TLCD3B: variants seen among roughly 807,000 people sequenced by gnomAD.
TLCD3B encodes the protein TLC domain containing 3B.
In TLCD3B, 9 loss-of-function variants were observed where a neutral mutation model predicts 23.0. The ratio of observed to expected loss-of-function variants is 0.39; its 90% CI spans 0.24 to 0.68. The LOEUF is 0.68. TLCD3B is among the 30% of genes least tolerant of loss of function. The pLI is 0.44. For missense variants in TLCD3B, 307 were observed against 371.8 expected (o/e 0.83, Z 1.43); for synonymous variants, 161 against 161.0 (o/e 1.00, Z 0.00).
chr16:30,028,690 G>A (rs1205622471), intron 2 of TLCD3B, among the ~76,000 whole-genome samples: 2 of 152,186 alleles, frequency 1.3e-5, no homozygotes, highest in Admixed American at 6.5e-5. Flanking sequence ...CATCAGGGGC[G>A]TCCAAATGTT....
At chr16:30,039,133 T>C (rs1333190559) in intron 3 of TLCD3B, among the ~76,000 whole-genome samples, 2 of 146,306 alleles carry the variant, frequency 1.4e-5, no homozygotes, top group East Asian at 4.0e-4. Context: ...TTTTTTTTTT[T>C]AGATGGAGGT....
chr16:30,036,608 G>C (rs2071478922), intron 3 of TLCD3B: 4 of 340,804 alleles, frequency 1.2e-5, no homozygotes, highest in South Asian at 7.3e-5. Flanking sequence ...GTGGCTAGAA[G>C]GTGCCATCCT....
At chr16:30,034,619 C>T (rs932066897), upstream of TLCD3B, among the ~76,000 whole-genome samples, 3 of 152,072 alleles carry the variant, frequency 2.0e-5, no homozygotes, top group East Asian at 1.9e-4. Flanking sequence ...TATTGGCCCA[C>T]GTTCTAACCA....
At chr16:30,036,293 CA>C (rs1391910022) in intron 3 of TLCD3B, 1 of 1,289,006 alleles carries the variant, frequency 7.8e-7, no homozygotes, top group Admixed American at 2.3e-5. Flanking sequence ...AAAATAAAGC[CA>C]AAGCGATTGT....
At chr16:30,030,210 G>A (rs1029723033) in intron 1 of TLCD3B, 193 bp downstream of exon 1, 1 of 1,249,140 alleles carries the variant, frequency 8.0e-7, no homozygotes, top group African/African-American at 1.5e-5. Flanking sequence ...CAGATGGCCG[G>A]GCTGGATGAG....
intron 3 of TLCD3B, among the ~76,000 whole-genome samples, chr16:30,040,551 G>A (rs953489336): frequency 3.9e-5 from 6 of 152,080 alleles, no homozygotes; most frequent in East Asian, 1.9e-4. Flanking sequence ...AAGGCATGAG[G>A]GGAGGAGAGA....
upstream of TLCD3B, chr16:30,035,611 A>G (rs2071453446): frequency 2.4e-6 from 2 of 844,732 alleles, no homozygotes; most frequent in South Asian, 3.5e-5. Flanking sequence ...GGCCATTGAA[A>G]GCCACCAGGC....
chr16:30,040,357 C>A (rs2071562642), intron 3 of TLCD3B, among the ~76,000 whole-genome samples: 1 of 151,870 alleles, frequency 6.6e-6, no homozygotes, highest in African/African-American at 2.4e-5. Context: ...GGCTGAAATA[C>A]TTTATATACA....
rs117477684 is a variant in TLCD3B, at chr16:30,030,045, C to T, written c.125+358G>A. ...GTACCATCCACTCCTCCATCCCTGG[C>T]CCCCAAACACTCACCCTGAATGACA... On this transcript the variant is annotated intron_variant, in intron 1 of 4. Coordinates refer to ENST00000380495, the MANE Select transcript of TLCD3B (RefSeq NM_031478.6). 5.1e-5 allele frequency: 69 copies of T among 1,342,196 alleles called. No homozygotes were observed. The East Asian group carries it at 3.1e-3, about 61-fold the overall frequency. 83.1% of individuals were successfully genotyped at this position (1,342,196 alleles called of 1,614,324 possible). A position where few individuals can be genotyped will look rare whatever the true frequency, so the allele number is the denominator to read the frequency against.
In TLCD3B at chr16:30,051,354, A is replaced by G. The variant is rs2071747025; in HGVS notation, c.-294+1420T>C. On this transcript the variant is annotated intron_variant, in intron 1 of 6. Coordinates refer to the TLCD3B transcript ENST00000561666. The stretch of plus-strand genomic sequence containing the variant: ...TTCGAGACCAGCCTGACCAACATGG[A>G]CAAACCCCGTCTCTACTAAAAATAC... 2.6e-5 allele frequency among the ~76,000 whole-genome samples: 4 copies of G among 151,806 alleles called. No homozygotes were observed. The South Asian group carries it at 8.3e-4, about 32-fold the overall frequency.
intron 1 of TLCD3B, among the ~76,000 whole-genome samples, chr16:30,050,223 C>T (rs2071730073): frequency 6.6e-6 from 1 of 152,124 alleles, no homozygotes; most frequent in Non-Finnish European, 1.5e-5. Context: ...TCAACTTGGT[C>T]CTCAGGATTC....
chr16:30,043,100 A>G (rs774025943), intron 2 of TLCD3B, among the ~76,000 whole-genome samples: 4 of 152,170 alleles, frequency 2.6e-5, no homozygotes, highest in Non-Finnish European at 4.4e-5. Flanking sequence ...CTCCGTCTCC[A>G]AAAGAAAAAA....
At chr16:30,052,468 G>A (rs1445368873) in intron 1 of TLCD3B, among the ~76,000 whole-genome samples, 2 of 151,800 alleles carry the variant, frequency 1.3e-5, no homozygotes, top group East Asian at 1.9e-4. Context: ...AAGCTGAGGC[G>A]GGCGCATCAC....
chr16:30,049,457 C>T (rs1252997966), intron 1 of TLCD3B, among the ~76,000 whole-genome samples: 1 of 152,158 alleles, frequency 6.6e-6, no homozygotes, highest in African/African-American at 2.4e-5. Context: ...ACCCACCCCA[C>T]GATTATTGGA....
intron 2 of TLCD3B, among the ~76,000 whole-genome samples, chr16:30,045,330 G>A (rs1394354010): frequency 3.5e-5 from 5 of 143,382 alleles, no homozygotes; most frequent in Non-Finnish European, 6.1e-5. Flanking sequence ...TGTGTGTGGT[G>A]TTTGTGTGTG....
At chr16:30,035,277 C>T, upstream of TLCD3B, 3 of 1,270,762 alleles carry the variant, frequency 2.4e-6, no homozygotes, top group Non-Finnish European at 3.1e-6. Flanking sequence ...TCACCACAAA[C>T]TCATTCTGAA....
chr16:30,029,402 C>T lies in TLCD3B; in HGVS notation c.209+30G>A. On this transcript the variant is annotated intron_variant, in intron 2 of 4. Coordinates refer to ENST00000380495, the MANE Select transcript of TLCD3B (RefSeq NM_031478.6). The surrounding 1 kb of genome is among the most constrained non-coding windows in gnomAD (Gnocchi z 4.6). ...ACCCGTACACGCCAACCACTGGCACCTGGGCAGGGGGGTGTCTCGCAGCAC... is the reference window on the plus strand; with the variant it reads ...ACCCGTACACGCCAACCACTGGCACTTGGGCAGGGGGGTGTCTCGCAGCAC... 6.2e-7 allele frequency: 1 copy of T among 1,603,234 alleles called. No individual in the cohort carries two copies.
Position 30,025,076 on chromosome 16 carries a change from G to T in TLCD3B, c.*107C>A. The T allele has an allele frequency of 1.4e-6, 1 of 735,376 alleles. No individual in the cohort carries two copies. Among genetic ancestry groups the T allele is most frequent in the Non-Finnish European group, 2.1e-6 (1 of 469,356 alleles). The allele number at this position is 735,376 out of a possible 1,614,324, so 45.6% of individuals were successfully genotyped here. ...CCTTTCGGGGTCATCGTCAGTCCTG[G>T]GGTTGTCCGGGCAAGAGGACCCTGG... On this transcript the variant is annotated 3_prime_UTR_variant, in exon 5 of 5. Transcript: ENST00000380495. This position sits in a 1 kb window ranked among gnomAD's most constrained non-coding sequence, Gnocchi z 4.1.
At chr16:30,027,759 C>A in intron 2 of TLCD3B, 1 of 434,706 alleles carries the variant, frequency 2.3e-6, no homozygotes, top group Non-Finnish European at 4.7e-6. Flanking sequence ...CTCTTAAATC[C>A]TGTAGTCCCA....
Sources: gnomAD v4.1 joint callset for allele counts (sites outside exome capture counted in the v4.1 genomes callset) on GRCh38, gnomAD v4.1.1 for gene constraint, Gnocchi (gnomAD v3.1) non-coding constraint, MANE v1.5 for transcripts, NCBI Gene and HGNC (gene_info 2026-07-23, HGNC 2026-07-21) for gene names.